PCDHGA4: variants seen among roughly 807,000 people sequenced by gnomAD.
The protein encoded by PCDHGA4 is protocadherin gamma-A4.
Under a neutral mutation model 54.6 loss-of-function variants are expected in PCDHGA4, and 38 were observed. The observed-to-expected ratio is 0.70, with a 90% CI of 0.54 to 0.91. PCDHGA4 has a LOEUF of 0.91. PCDHGA4 is among the 40% of genes least tolerant of loss of function. The probability of loss-of-function intolerance (pLI) is 0.00; values close to 1 mark genes in which losing one functional copy is unlikely to be tolerated. For synonymous variants in PCDHGA4, 511 were observed against 512.9 expected, an observed-to-expected ratio of 1.00 and a Z score of 0.05; for missense variants, 1,298 against 1,220.9, an observed-to-expected ratio of 1.06 and a Z score of -0.94.
intron 1 of PCDHGA4, chr5:141,407,930 C>G: frequency 2.0e-6 from 1 of 498,998 alleles, no homozygotes. Context: ...CGCACGGAGC[C>G]TCTGGGCGCC....
intron 1 of PCDHGA4, chr5:141,423,606 GAT>G: frequency 6.2e-7 from 1 of 1,612,164 alleles, no homozygotes; most frequent in African/African-American, 1.3e-5. Flanking sequence ...AGCCACTCTT[GAT>G]AGCTGAAGAC....
At chr5:141,395,478 T>G in intron 1 of PCDHGA4, 1 of 546,140 alleles carries the variant, frequency 1.8e-6, no homozygotes, top group Non-Finnish European at 3.1e-6. Context: ...CAGTATTTTA[T>G]TCCTATTATC....
At chr5:141,465,757 T>C (rs2099108578) in intron 1 of PCDHGA4, among the ~76,000 whole-genome samples, 1 of 152,046 alleles carries the variant, frequency 6.6e-6, no homozygotes, top group South Asian at 2.1e-4. Context: ...ACTGGTAAAG[T>C]CATGTTTCAT....
Position 141,405,169 on chromosome 5 carries a change from C to G in PCDHGA4, c.2514+47548C>G, listed in dbSNP as rs377298438. 12 of 1,614,004 alleles carry G rather than the reference C, an allele frequency of 7.4e-6. No homozygotes were observed. The African/African-American group carries it at 1.6e-4, about 22-fold the overall frequency. On this transcript the variant is annotated intron_variant, in intron 1 of 3. Coordinates refer to ENST00000571252, the MANE Select transcript of PCDHGA4 (RefSeq NM_018917.4). ...GGTTGGCTGGTGTGCCCACCTCACA[C>G]TTTGTGGGTGTAGATGGGGTTCGAG...
intron 1 of PCDHGA4, among the ~76,000 whole-genome samples, chr5:141,469,914 C>T (rs1451982311): frequency 6.6e-6 from 1 of 152,082 alleles, no homozygotes. Flanking sequence ...GCAGACCACC[C>T]GAGGTCAGGA....
chr5:141,491,937 AC>A lies in PCDHGA4; in HGVS notation c.2515-2865del. ...CTGTGGGCGAGGGGAGGTGGGACCG[AC>A]CCCCACCCCTACACTCAAAAAAGGC... On this transcript the variant is annotated intron_variant, in intron 1 of 3. Transcript: ENST00000571252. This position sits in a 1 kb window ranked among gnomAD's most constrained non-coding sequence, Gnocchi z 6.9. The A allele has an allele frequency of 3.4e-6, 4 of 1,164,304 alleles. No homozygotes were observed. Among genetic ancestry groups the A allele is most frequent in the Non-Finnish European group, 4.7e-6 (4 of 858,404 alleles). The allele number at this position is 1,164,304 out of a possible 1,614,324, so 72.1% of individuals were successfully genotyped here.
chr5:141,355,518 G>T lies in PCDHGA4; in HGVS notation c.411G>T (p.Leu137=). The T allele has an allele frequency of 1.2e-6, 2 of 1,614,050 alleles. No homozygotes were observed. The highest frequency in any genetic ancestry group is 2.7e-5 in the African/African-American group (2 of 75,070). The change falls in exon 1 of 4, where the codon CTG becomes CTT. Residue 137 remains leucine, a synonymous_variant. Transcript: ENST00000571252. ...GATCTCCAAACTGTGTGACAAACCT[G>T]GAGATTCTTCTAGAAGATACAGTGA... ...CDRSPNCVTN[L]EILLEDTVKI...
At chr5:141,363,856 A>G (rs1763082637) in intron 1 of PCDHGA4, among the ~76,000 whole-genome samples, 2 of 152,230 alleles carry the variant, frequency 1.3e-5, no homozygotes, top group Admixed American at 6.5e-5. Context: ...TGGACTAAAT[A>G]TAGATAAGAG....
intron 1 of PCDHGA4, chr5:141,360,589 T>C: frequency 6.2e-7 from 1 of 1,613,982 alleles, no homozygotes; most frequent in East Asian, 2.2e-5. Flanking sequence ...AGGTACAACA[T>C]TTCCACTTGA....
chr5:141,361,370 GGGA>G, intron 1 of PCDHGA4: 1 of 1,613,942 alleles, frequency 6.2e-7, no homozygotes. Context: ...GCTCTGGACC[GGGA>G]GGAGATCCCA....
chr5:141,409,295 G>A, intron 1 of PCDHGA4: 1 of 1,613,992 alleles, frequency 6.2e-7, no homozygotes, highest in Non-Finnish European at 8.5e-7. Context: ...TCCAGGAATG[G>A]TTGTTGCCCT....
intron 1 of PCDHGA4, chr5:141,375,654 A>G (rs1771718244): frequency 6.2e-7 from 1 of 1,614,106 alleles, no homozygotes. Context: ...GACTATGAGC[A>G]GTTGAGAGAC....
chr5:141,364,313 T>C, intron 1 of PCDHGA4: 4 of 1,522,730 alleles, frequency 2.6e-6, no homozygotes, highest in Non-Finnish European at 2.6e-6. Flanking sequence ...TAAGAGAAAA[T>C]TGGGCAGAGA....
At chr5:141,395,348 A>T (rs2093219591) in intron 1 of PCDHGA4, 1 of 1,391,964 alleles carries the variant, frequency 7.2e-7, no homozygotes, top group East Asian at 2.4e-5. Flanking sequence ...AAGGTGTATC[A>T]CAGAGTTTTG....
intron 1 of PCDHGA4, chr5:141,364,874 G>A (rs368317740): frequency 6.2e-6 from 10 of 1,613,884 alleles, no homozygotes; most frequent in Non-Finnish European, 8.5e-6. Flanking sequence ...CTCTCTGGAT[G>A]TGGTAAGCGG....
intron 1 of PCDHGA4, chr5:141,492,013 T>G: frequency 1.6e-6 from 1 of 610,970 alleles, no homozygotes; most frequent in Non-Finnish European, 2.7e-6. Context: ...TCCGCGGGTG[T>G]CGGGGGTCCC....
intron 1 of PCDHGA4, chr5:141,372,480 T>A (rs777083908): frequency 1.2e-5 from 19 of 1,613,928 alleles, no homozygotes; most frequent in Non-Finnish European, 1.6e-5. Flanking sequence ...AGTAGTGGCG[T>A]TGGCCTTGAT....
intron 1 of PCDHGA4, chr5:141,403,454 C>T: frequency 6.2e-7 from 1 of 1,614,054 alleles, no homozygotes; most frequent in Non-Finnish European, 8.5e-7. Context: ...GAACTCCCTC[C>T]AGAGCTACCA....
At chr5:141,430,140 A>C (rs1295602149) in intron 1 of PCDHGA4, among the ~76,000 whole-genome samples, 1 of 152,202 alleles carries the variant, frequency 6.6e-6, no homozygotes, top group Non-Finnish European at 1.5e-5. Context: ...CCTTCCATTC[A>C]GGATCATTCA....
Sources: gnomAD v4.1 joint callset for allele counts (sites outside exome capture counted in the v4.1 genomes callset) on GRCh38, gnomAD v4.1.1 for gene constraint, Gnocchi (gnomAD v3.1) non-coding constraint, MANE v1.5 for transcripts, NCBI Gene and HGNC (gene_info 2026-07-23, HGNC 2026-07-21) for gene names.